Variants in ELAPOR2 observed in about 807,000 individuals in gnomAD.
ELAPOR2 encodes the protein endosome-lysosome associated apoptosis and autophagy regulator family member 2, also known as endosome/lysosome-associated apoptosis and autophagy regulator family member 2.
In ELAPOR2, 89 loss-of-function variants were observed where a neutral mutation model predicts 120.7. That is an observed-to-expected ratio of 0.74 (90% CI 0.62 to 0.88). ELAPOR2 has a LOEUF of 0.88. Ranked by LOEUF, ELAPOR2 falls within the 40% of genes least tolerant of loss-of-function variation. The probability of loss-of-function intolerance (pLI) is 0.00; values close to 1 mark genes in which losing one functional copy is unlikely to be tolerated. For synonymous variants in ELAPOR2, 444 were observed against 444.9 expected (o/e 1.00, Z 0.03); for missense variants, 1,134 against 1,251.6 (o/e 0.91, Z 1.42).
At chr7:86,942,855 C>T (rs1368199005) in intron 4 of ELAPOR2, among the ~76,000 whole-genome samples, 1 of 151,964 alleles carries the variant, frequency 6.6e-6, no homozygotes, top group Non-Finnish European at 1.5e-5. Context: ...AAGATCTCAT[C>T]ATCTATATTC....
At chr7:86,888,352 C>A (rs1354810421) in intron 21 of ELAPOR2, among the ~76,000 whole-genome samples, 4 of 152,064 alleles carry the variant, frequency 2.6e-5, no homozygotes, top group Non-Finnish European at 5.9e-5. Flanking sequence ...ACAACACAGT[C>A]TGATAATGGA....
Position 86,979,895 on chromosome 7 carries a change from C to T in ELAPOR2, c.190-14871G>A, listed in dbSNP as rs573686644. Among the ~76,000 whole-genome samples the T allele has an allele frequency of 2.6e-5, 4 of 152,206 alleles. 1 individual carries two copies. The highest frequency in any genetic ancestry group is 9.6e-5 in the African/African-American group (4 of 41,528). On this transcript the variant is annotated intron_variant, in intron 1 of 21. Coordinates refer to ENST00000450689, the MANE Select transcript of ELAPOR2 (RefSeq NM_001142749.3). Reference sequence around the variant, plus strand: ...TGTTTCTGGTTGGGCCAGTAAAGCCCCTTTCTCATCTCTTTTTTCCACTTA... The same window carrying T: ...TGTTTCTGGTTGGGCCAGTAAAGCCTCTTTCTCATCTCTTTTTTCCACTTA...
At chr7:86,927,555 G>C (rs895542214) in intron 8 of ELAPOR2, among the ~76,000 whole-genome samples, 9 of 151,762 alleles carry the variant, frequency 5.9e-5, no homozygotes, top group Admixed American at 3.9e-4. Context: ...CCTTCAAGGA[G>C]AGCAGTCTTT....
At chr7:86,909,531 T>C (rs1268761645) in intron 16 of ELAPOR2, among the ~76,000 whole-genome samples, 3 of 152,098 alleles carry the variant, frequency 2.0e-5, no homozygotes, top group East Asian at 1.9e-4. Context: ...ATTTTTAAAA[T>C]TGGTTTGCCT....
intron 18 of ELAPOR2, among the ~76,000 whole-genome samples, chr7:86,905,992 C>G (rs762661870): frequency 3.9e-5 from 6 of 152,108 alleles, no homozygotes; most frequent in African/African-American, 9.7e-5. Context: ...ACACACCTTA[C>G]GAGAGTTAGA....
intron 1 of ELAPOR2, among the ~76,000 whole-genome samples, chr7:87,010,963 A>C (rs1030204406): frequency 6.6e-6 from 1 of 152,108 alleles, no homozygotes; most frequent in Non-Finnish European, 1.5e-5. Flanking sequence ...GGATTAGATA[A>C]ATTTTTAAAA....
intron 18 of ELAPOR2, among the ~76,000 whole-genome samples, 177 bp from the exon 19 acceptor site, chr7:86,897,809 C>A (rs954610466): frequency 1.3e-5 from 2 of 152,072 alleles, no homozygotes; most frequent in Admixed American, 1.3e-4. Context: ...CAGTTTGTAC[C>A]TAGTAGGATG....
chr7:86,929,785 T>C (rs1256430331), intron 8 of ELAPOR2, among the ~76,000 whole-genome samples: 3 of 151,848 alleles, frequency 2.0e-5, no homozygotes, highest in African/African-American at 7.3e-5. Flanking sequence ...GGTGATTAGG[T>C]CATGGGGGCA....
In ELAPOR2 at chr7:86,883,447, C is replaced by T. The variant is rs774288798; in HGVS notation, c.3031-2917G>A. 3.9e-5 allele frequency among the ~76,000 whole-genome samples: 6 copies of T among 152,012 alleles called. No individual in the cohort carries two copies. The East Asian group carries it at 1.2e-3, about 29-fold the overall frequency. On this transcript the variant is annotated intron_variant, in intron 21 of 21. Coordinates refer to ENST00000450689, the MANE Select transcript of ELAPOR2 (RefSeq NM_001142749.3). ...TAGACACACAATAAGATATGTGCAA[C>T]GATATTTATAGTAGCTTTATTCATT... is the stretch of plus-strand genomic sequence containing the variant.
chr7:86,909,572 A>G (rs1789196094), intron 16 of ELAPOR2, among the ~76,000 whole-genome samples: 1 of 152,110 alleles, frequency 6.6e-6, no homozygotes, highest in Non-Finnish European at 1.5e-5. Flanking sequence ...GATGACAGGC[A>G]TAGACCCTCA....
At chr7:86,904,966 G>C (rs1466823835) in intron 18 of ELAPOR2, among the ~76,000 whole-genome samples, 1 of 151,968 alleles carries the variant, frequency 6.6e-6, no homozygotes, top group Middle Eastern at 3.2e-3. Flanking sequence ...CTCAAGGCAA[G>C]TGTCTGGTTA....
intron 10 of ELAPOR2, among the ~76,000 whole-genome samples, chr7:86,923,259 T>C (rs897802557): frequency 6.6e-6 from 1 of 151,974 alleles, no homozygotes; most frequent in African/African-American, 2.4e-5. Context: ...AGTAGTTTTT[T>C]GTGTTGCTCA....
chr7:86,967,623 G>A (rs1791957243), intron 1 of ELAPOR2, among the ~76,000 whole-genome samples: 1 of 152,110 alleles, frequency 6.6e-6, no homozygotes, highest in Non-Finnish European at 1.5e-5. Context: ...AAACAGGTAA[G>A]CTCCAAAAAA....
At position 86,930,068 on chromosome 7, in the gene ELAPOR2, C is replaced by A. The variant is rs189276476; in HGVS notation, c.1090-3152G>T. On this transcript the variant is annotated intron_variant, in intron 8 of 21. Coordinates refer to ENST00000450689, the MANE Select transcript of ELAPOR2 (RefSeq NM_001142749.3). ...AGTGTGAGAACAGACTAACATATCCCCTAAATACTTAACAGCTTTGACCAT... is the reference window on the plus strand; with the variant it reads ...AGTGTGAGAACAGACTAACATATCCACTAAATACTTAACAGCTTTGACCAT... Among the ~76,000 whole-genome samples, 17 of 151,978 alleles carry A rather than the reference C, an allele frequency of 1.1e-4. No homozygotes were observed. The East Asian group carries it at 2.9e-3, about 26-fold the overall frequency.
At chr7:87,023,712 C>T (rs1794142572) in intron 1 of ELAPOR2, among the ~76,000 whole-genome samples, 2 of 152,208 alleles carry the variant, frequency 1.3e-5, no homozygotes, top group South Asian at 4.2e-4. Context: ...GAATGTTCTT[C>T]CATTTGTTTG....
At chr7:86,965,715 T>C in intron 1 of ELAPOR2, 2 of 612,620 alleles carry the variant, frequency 3.3e-6, no homozygotes, top group Non-Finnish European at 4.1e-6. Flanking sequence ...ATAAGTGATA[T>C]TTAAACTGAG....
intron 1 of ELAPOR2, among the ~76,000 whole-genome samples, chr7:87,005,974 AG>A (rs1793457574): frequency 6.6e-6 from 1 of 152,328 alleles, no homozygotes; most frequent in East Asian, 1.9e-4. Context: ...TTAAGAAAAC[AG>A]AACTGGCAAG....
At chr7:86,996,395 G>C (rs1316548238) in intron 1 of ELAPOR2, among the ~76,000 whole-genome samples, 28 of 152,136 alleles carry the variant, frequency 1.8e-4, no homozygotes, top group Admixed American at 1.8e-3. Context: ...TCCCGGCAGA[G>C]GGGGCAGCCA....
At chr7:86,915,342 T>G (rs1372291316) in intron 12 of ELAPOR2, among the ~76,000 whole-genome samples, 2 of 152,056 alleles carry the variant, frequency 1.3e-5, no homozygotes, top group African/African-American at 4.8e-5. Context: ...TACTTGCAAG[T>G]TCCAGGGTGA....
Sources: allele counts gnomAD v4.1 joint callset (sites outside exome capture counted in the v4.1 genomes callset), GRCh38; gene constraint gnomAD v4.1.1; transcripts MANE v1.5; gene names NCBI Gene and HGNC (gene_info 2026-07-23, HGNC 2026-07-21).